The following SYTL3 variants were observed in gnomAD, a reference collection of about 807,000 sequenced individuals.
The protein encoded by SYTL3 is synaptotagmin-like protein 3.
Under a neutral mutation model 82.1 loss-of-function variants are expected in SYTL3, and 88 were observed. The ratio of observed to expected loss-of-function variants is 1.07; its 90% CI spans 0.90 to 1.28. The LOEUF is 1.28. SYTL3 is among the 50% of genes most tolerant of loss of function. The probability of loss-of-function intolerance (pLI) is 0.00; values close to 1 mark genes in which losing one functional copy is unlikely to be tolerated. For missense variants in SYTL3, 831 were observed against 757.6 expected (o/e 1.10, Z -1.14); for synonymous variants, 311 against 289.4 (o/e 1.07, Z -0.76).
intron 5 of SYTL3, among the ~76,000 whole-genome samples, chr6:158,667,229 C>A (rs1790183980): frequency 1.3e-5 from 2 of 152,232 alleles, no homozygotes; most frequent in Non-Finnish European, 2.9e-5. Context: ...AGGAAGCTGA[C>A]AGTGTTGAAA....
chr6:158,733,415 C>A (rs1785676192), intron 11 of SYTL3, among the ~76,000 whole-genome samples: 1 of 152,128 alleles, frequency 6.6e-6, no homozygotes, highest in Non-Finnish European at 1.5e-5. Flanking sequence ...CAAGCTCCGC[C>A]TCCCAGGTTC....
chr6:158,669,285 C>A (rs182831979), intron 5 of SYTL3, among the ~76,000 whole-genome samples: 1 of 152,300 alleles, frequency 6.6e-6, no homozygotes, highest in East Asian at 1.9e-4. Flanking sequence ...CTGGTCTTCT[C>A]CCTTAAGATT....
At chr6:158,757,708 C>A (rs1284242602) in intron 14 of SYTL3, among the ~76,000 whole-genome samples, 1 of 152,216 alleles carries the variant, frequency 6.6e-6, no homozygotes, top group Non-Finnish European at 1.5e-5. Context: ...GCTGGCCATG[C>A]CTTTCCCTGG....
At chr6:158,751,316 G>A (rs765654517) in intron 12 of SYTL3, among the ~76,000 whole-genome samples, 2 of 152,200 alleles carry the variant, frequency 1.3e-5, no homozygotes, top group Non-Finnish European at 1.5e-5. Flanking sequence ...GAAGGGCAGC[G>A]TAGGGGCCTG....
intron 10 of SYTL3, among the ~76,000 whole-genome samples, chr6:158,718,981 C>T (rs944269318): frequency 2.0e-5 from 3 of 152,198 alleles, no homozygotes; most frequent in African/African-American, 7.2e-5. Context: ...GTCAGCCCCC[C>T]TCTCCTGCTG....
chr6:158,674,857 G>T (rs997630628), intron 5 of SYTL3, among the ~76,000 whole-genome samples: 1 of 151,906 alleles, frequency 6.6e-6, no homozygotes, highest in African/African-American at 2.4e-5. Flanking sequence ...CTTCAAAATG[G>T]GTGTGTATCC....
At chr6:158,739,733 A>G (rs763306578) in intron 11 of SYTL3, among the ~76,000 whole-genome samples, 1 of 152,074 alleles carries the variant, frequency 6.6e-6, no homozygotes, top group Non-Finnish European at 1.5e-5. Context: ...CAGACTGGTC[A>G]TGAACTCCTG....
intron 6 of SYTL3, among the ~76,000 whole-genome samples, chr6:158,691,367 T>C (rs1168631851): frequency 6.6e-6 from 1 of 151,130 alleles, no homozygotes; most frequent in Non-Finnish European, 1.5e-5. Flanking sequence ...AAAAAGTGAC[T>C]GTTTAACAGT....
intron 6 of SYTL3, among the ~76,000 whole-genome samples, chr6:158,700,426 C>A (rs942679069): frequency 6.6e-6 from 1 of 151,032 alleles, no homozygotes; most frequent in Non-Finnish European, 1.5e-5. Flanking sequence ...GTCACTTATT[C>A]TTATCTCTCT....
intron 8 of SYTL3, among the ~76,000 whole-genome samples, chr6:158,709,927 C>G (rs1051355141): frequency 1.3e-5 from 2 of 152,074 alleles, no homozygotes; most frequent in African/African-American, 4.8e-5. Flanking sequence ...CTCAGCTACT[C>G]AGGAGGCTGA....
chr6:158,676,646 A>T (rs1207585829), intron 5 of SYTL3, among the ~76,000 whole-genome samples: 3 of 152,206 alleles, frequency 2.0e-5, no homozygotes, highest in Non-Finnish European at 4.4e-5. Flanking sequence ...AAATTTTTGC[A>T]ACCTACTCAT....
intron 6 of SYTL3, among the ~76,000 whole-genome samples, chr6:158,704,908 CA>C (rs1781834832): frequency 4.6e-5 from 1 of 21,798 alleles, no homozygotes. Flanking sequence ...AGGAGGGACC[CA>C]GGGCAGGGTG....
At chr6:158,725,025 AAAAG>A (rs1784535055) in intron 10 of SYTL3, among the ~76,000 whole-genome samples, 1 of 152,192 alleles carries the variant, frequency 6.6e-6, no homozygotes, top group African/African-American at 2.4e-5. Flanking sequence ...CCGTCTCAAA[AAAAG>A]AAAGAAAAAA....
intron 2 of SYTL3, among the ~76,000 whole-genome samples, chr6:158,654,103 CT>C (rs1388732694): frequency 6.6e-6 from 1 of 152,320 alleles, no homozygotes; most frequent in East Asian, 1.9e-4. Context: ...GCATGGCTGA[CT>C]ATTTCAGTCC....
At chr6:158,678,107 G>A (rs529203836) in intron 5 of SYTL3, among the ~76,000 whole-genome samples, 3 of 152,104 alleles carry the variant, frequency 2.0e-5, no homozygotes, top group Admixed American at 6.6e-5. Flanking sequence ...GAACTCCTGC[G>A]TTCAAGCAAT....
chr6:158,661,902 A>G (rs1458235614), intron 3 of SYTL3, among the ~76,000 whole-genome samples: 1 of 152,234 alleles, frequency 6.6e-6, no homozygotes, highest in Non-Finnish European at 1.5e-5. Context: ...AGGAACACAT[A>G]TATTACTATA....
intron 12 of SYTL3, among the ~76,000 whole-genome samples, chr6:158,749,403 A>G (rs1220682568): frequency 6.7e-6 from 1 of 148,390 alleles, no homozygotes; most frequent in East Asian, 1.9e-4. Context: ...AAAAAAAAAA[A>G]AAAAAAAGAA....
Position 158,663,395 on chromosome 6 carries a change from G to T in SYTL3, c.110+17G>T, listed in dbSNP as rs773105838. 1 of 1,610,998 alleles carries T rather than the reference G, an allele frequency of 6.2e-7. No individual in the cohort carries two copies. Among genetic ancestry groups the T allele is most frequent in the Non-Finnish European group, 8.5e-7 (1 of 1,178,992 alleles). ...GAGGACACGGTAGGCTGCCCTTCCC[G>T]GGGGGTCACTTTGGGTGTTTAGCTT... On this transcript the variant is annotated intron_variant, in intron 4 of 17. Transcript: ENST00000611299.
intron 8 of SYTL3, among the ~76,000 whole-genome samples, chr6:158,713,419 G>T (rs1437555946): frequency 6.6e-6 from 1 of 152,058 alleles, no homozygotes; most frequent in Non-Finnish European, 1.5e-5. Context: ...GCATGGAGTT[G>T]GGGTGGGGCC....
Sources: gnomAD v4.1 joint callset for allele counts (sites outside exome capture counted in the v4.1 genomes callset) on GRCh38, gnomAD v4.1.1 for gene constraint, MANE v1.5 for transcripts, NCBI Gene and HGNC (gene_info 2026-07-23, HGNC 2026-07-21) for gene names.